The following DIP2C variants were observed in gnomAD, a reference collection of about 807,000 sequenced individuals.
The protein encoded by DIP2C is disco-interacting protein 2 homolog C.
Under a neutral mutation model 192.4 loss-of-function variants are expected in DIP2C, and 33 were observed. The ratio of observed to expected loss-of-function variants is 0.17; its 90% CI spans 0.13 to 0.23. The LOEUF (loss-of-function observed/expected upper bound fraction) is 0.23, where lower values mean the gene tolerates loss of function less well. Among genes scored for constraint, DIP2C ranks in the 10% least tolerant of loss-of-function variants. The probability of loss-of-function intolerance (pLI) is 1.00; values close to 1 mark genes in which losing one functional copy is unlikely to be tolerated. For synonymous variants in DIP2C, 979 were observed against 864.1 expected (o/e 1.13, Z -2.33); for missense variants, 1,537 against 2,110.1 (o/e 0.73, Z 5.32).
intron 3 of DIP2C, among the ~76,000 whole-genome samples, chr10:471,259 T>A (rs1564752059): frequency 6.6e-6 from 1 of 152,218 alleles, no homozygotes; most frequent in East Asian, 1.9e-4. Flanking sequence ...TGACACTCTC[T>A]GAGGCCATAA....
At chr10:588,277 A>G (rs1046369363) in intron 1 of DIP2C, among the ~76,000 whole-genome samples, 14 of 152,212 alleles carry the variant, frequency 9.2e-5, no homozygotes, top group Admixed American at 8.5e-4. Flanking sequence ...CCCTCCGGAA[A>G]CCCCACATCC....
intron 1 of DIP2C, among the ~76,000 whole-genome samples, chr10:645,310 A>G (rs1445898084): frequency 6.6e-6 from 1 of 152,110 alleles, no homozygotes; most frequent in Non-Finnish European, 1.5e-5. Flanking sequence ...CCCCCTTATC[A>G]AAGTGGCACA....
intron 10 of DIP2C, among the ~76,000 whole-genome samples, chr10:391,947 A>G (rs1331570791): frequency 6.6e-6 from 1 of 152,206 alleles, no homozygotes; most frequent in Non-Finnish European, 1.5e-5. Context: ...TTGTAGATTT[A>G]AATCTACAGT....
chr10:412,831 TGAC>T (rs1303452292), intron 8 of DIP2C, among the ~76,000 whole-genome samples: 1 of 152,218 alleles, frequency 6.6e-6, no homozygotes, highest in Non-Finnish European at 1.5e-5. Context: ...ACCTGCCAAC[TGAC>T]AACAGGCGGA....
At chr10:584,483 C>G (rs1196165691) in intron 1 of DIP2C, among the ~76,000 whole-genome samples, 1 of 142,650 alleles carries the variant, frequency 7.0e-6, no homozygotes, top group African/African-American at 2.6e-5. Context: ...CAACCTGGCC[C>G]CCACTCACGC....
chr10:591,963 C>T (rs1030805284), intron 1 of DIP2C, among the ~76,000 whole-genome samples: 4 of 152,164 alleles, frequency 2.6e-5, no homozygotes, highest in African/African-American at 7.2e-5. Flanking sequence ...CTCTGAAGAA[C>T]GATGCGAGTC....
intron 24 of DIP2C, among the ~76,000 whole-genome samples, chr10:353,709 C>T (rs1001744009): frequency 1.3e-5 from 2 of 152,174 alleles, no homozygotes; most frequent in South Asian, 2.1e-4. Context: ...TGTGACTACA[C>T]GGCCAGCAAG....
At chr10:605,933 A>G (rs1231541973) in intron 1 of DIP2C, among the ~76,000 whole-genome samples, 1 of 152,076 alleles carries the variant, frequency 6.6e-6, no homozygotes. Context: ...ATTTCCACAT[A>G]TGCATCCTGC....
intron 2 of DIP2C, among the ~76,000 whole-genome samples, chr10:484,423 T>C (rs559661953): frequency 1.6e-4 from 24 of 152,350 alleles, no homozygotes; most frequent in Admixed American, 8.5e-4. Flanking sequence ...GCTCATCCTT[T>C]AATTGGGTCT....
At chr10:311,680 G>T in intron 31 of DIP2C, 2 of 845,090 alleles carry the variant, frequency 2.4e-6, no homozygotes, top group Non-Finnish European at 3.1e-6. Context: ...ATGGGATGGA[G>T]AAGAGGGAGG....
intron 1 of DIP2C, among the ~76,000 whole-genome samples, chr10:517,455 G>T (rs569951042): frequency 1.1e-3 from 171 of 152,262 alleles, no homozygotes; most frequent in African/African-American, 4.0e-3. Flanking sequence ...CACTGTCCTG[G>T]TGTCTGAAAG....
chr10:460,120 C>CA (rs1969650311), intron 3 of DIP2C, among the ~76,000 whole-genome samples: 1 of 151,516 alleles, frequency 6.6e-6, no homozygotes. Flanking sequence ...ATCTTCCTCT[C>CA]ACAGTCACAT....
chr10:591,639 A>G (rs1851408338), intron 1 of DIP2C, among the ~76,000 whole-genome samples: 1 of 152,226 alleles, frequency 6.6e-6, no homozygotes, highest in Non-Finnish European at 1.5e-5. Flanking sequence ...TGTTGGCTAA[A>G]TACAACTTCC....
intron 1 of DIP2C, among the ~76,000 whole-genome samples, chr10:543,417 A>G (rs376338993): frequency 9.9e-5 from 15 of 152,242 alleles, no homozygotes; most frequent in East Asian, 3.8e-4. Context: ...GTTGCCATGG[A>G]AATTAAACTG....
At chr10:505,237 GTCAC>G (rs1256616800) in intron 1 of DIP2C, among the ~76,000 whole-genome samples, 1 of 152,154 alleles carries the variant, frequency 6.6e-6, no homozygotes, top group African/African-American at 2.4e-5. Context: ...TCAACACAGA[GTCAC>G]TAACTTCCCA....
chr10:563,306 G>A (rs1300012041), intron 1 of DIP2C, among the ~76,000 whole-genome samples: 4 of 152,136 alleles, frequency 2.6e-5, no homozygotes, highest in African/African-American at 4.8e-5. Flanking sequence ...AAAGCAGCAC[G>A]TATTTTTATG....
chr10:498,563 G>C (rs1002989878), intron 1 of DIP2C, among the ~76,000 whole-genome samples: 1 of 152,182 alleles, frequency 6.6e-6, no homozygotes, highest in African/African-American at 2.4e-5. Context: ...CTCTTAGGGG[G>C]CTCGTCAGAG....
Position 689,402 on chromosome 10 carries a change from C to T in DIP2C, c.85+92G>A. ...CGCACCTCCCCCTCCGGGCCCGGCC[C>T]CCGCCCCGCCGCAGGCCCCGCGCCC... On this transcript the variant is annotated intron_variant, in intron 1 of 36. Coordinates refer to ENST00000280886, the MANE Select transcript of DIP2C (RefSeq NM_014974.3). This position sits in a 1 kb window ranked among gnomAD's most constrained non-coding sequence, Gnocchi z 6.1. 1 of 780,030 alleles carries T rather than the reference C, an allele frequency of 1.3e-6. No individual in the cohort carries two copies. The highest frequency in any genetic ancestry group is 1.6e-6 in the Non-Finnish European group (1 of 639,048). The allele number at this position is 780,030 out of a possible 1,614,324, so 48.3% of individuals were successfully genotyped here.
rs568859543 is a variant in DIP2C, at chr10:584,516, G to A, written c.86-97986C>T. Among the ~76,000 whole-genome samples, 53 of 123,076 alleles carry A rather than the reference G, an allele frequency of 4.3e-4. 1 individual carries two copies. Among genetic ancestry groups the A allele is most frequent in the Admixed American group, 1.7e-3 (19 of 11,228 alleles). The allele number at this position is 123,076 out of a possible 152,430, so 80.7% of individuals were successfully genotyped here. ...CGCGCATCACCTCTCAGATAATCTC[G>A]GGGCCCGCGACCTGGCCCCCACTCA... is the stretch of plus-strand genomic sequence containing the variant. On this transcript the variant is annotated intron_variant, in intron 1 of 36. Coordinates refer to ENST00000280886, the MANE Select transcript of DIP2C (RefSeq NM_014974.3).
Sources: gnomAD v4.1 joint callset for allele counts (sites outside exome capture counted in the v4.1 genomes callset) on GRCh38, gnomAD v4.1.1 for gene constraint, Gnocchi (gnomAD v3.1) non-coding constraint, MANE v1.5 for transcripts, NCBI Gene and HGNC (gene_info 2026-07-23, HGNC 2026-07-21) for gene names.